The following ADGRB1 variants were observed in gnomAD, a reference collection of about 807,000 sequenced individuals.
ADGRB1 encodes the protein brain-specific angiogenesis inhibitor 1.
Under a neutral mutation model 175.7 loss-of-function variants are expected in ADGRB1, and 36 were observed. That is an observed-to-expected ratio of 0.20 (90% confidence interval 0.16 to 0.27). ADGRB1 has a LOEUF of 0.27. Among genes scored for constraint, ADGRB1 ranks in the 10% least tolerant of loss-of-function variants. The pLI is 1.00. For missense variants in ADGRB1, 1,731 were observed against 2,255.3 expected, an observed-to-expected ratio of 0.77 and a Z score of 4.71; for synonymous variants, 1,054 against 979.4, an observed-to-expected ratio of 1.08 and a Z score of -1.42.
intron 13 of ADGRB1, 113 bp from the exon 14 acceptor site, chr8:142,488,251 C>T (rs780095416): frequency 6.3e-6 from 9 of 1,434,534 alleles, no homozygotes; most frequent in Admixed American, 1.8e-5. Context: ...ATGGGCACCC[C>T]GCGGCATCAG....
At chr8:142,489,768 C>T (rs963412326) in intron 16 of ADGRB1, among the ~76,000 whole-genome samples, 2 of 152,190 alleles carry the variant, frequency 1.3e-5, no homozygotes, top group Non-Finnish European at 2.9e-5. Context: ...CCCCTAACGC[C>T]TGGCCACCAA....
At chr8:142,501,166 A>G (rs577251342) in intron 17 of ADGRB1, among the ~76,000 whole-genome samples, 1 of 152,284 alleles carries the variant, frequency 6.6e-6, no homozygotes, top group East Asian at 1.9e-4. Flanking sequence ...GCTGGTGACC[A>G]TGGGTGACCG....
rs1258314803 is a variant in ADGRB1, at chr8:142,510,876, T to C, written c.2676-56T>C. On this transcript the variant is annotated intron_variant, in intron 17 of 30. Transcript: ENST00000517894. The surrounding 1 kb of genome is among the most constrained non-coding windows in gnomAD (Gnocchi z 6.3). ...CCGCTCGGGGGCCGGGGCGCCCGCGTCCCCGCCGCCGCTGACGCTCCGCCT... is the reference window on the plus strand; with the variant it reads ...CCGCTCGGGGGCCGGGGCGCCCGCGCCCCCGCCGCCGCTGACGCTCCGCCT... The C allele has an allele frequency of 4.1e-6, 4 of 968,734 alleles. No homozygotes were observed. The highest frequency in any genetic ancestry group is 4.9e-6 in the Non-Finnish European group (4 of 809,006). The allele number at this position is 968,734 out of a possible 1,614,324, so 60.0% of individuals were successfully genotyped here.
At position 142,510,916 on chromosome 8, in the gene ADGRB1, T is replaced by TTCC; in HGVS notation, c.2676-16_2676-15insTCC. On this transcript the variant is annotated splice_polypyrimidine_tract_variant and intron_variant, in intron 17 of 30. Transcript: ENST00000517894. The surrounding 1 kb of genome is among the most constrained non-coding windows in gnomAD (Gnocchi z 6.3). ...ACGCTCCGCCTGTCTCCCTCCCGTG[T>TTCC]CCCGCCCGCCCCCAGACCCTCCTCC... is the stretch of plus-strand genomic sequence containing the variant. The TTCC allele has an allele frequency of 3.3e-5, 32 of 969,596 alleles. No homozygotes were observed. The highest frequency in any genetic ancestry group is 3.7e-5 in the Non-Finnish European group (29 of 789,174). The allele number at this position is 969,596 out of a possible 1,614,324, so 60.1% of individuals were successfully genotyped here.
In ADGRB1 at chr8:142,475,430, A is replaced by G. The variant is rs531007179; in HGVS notation, c.785-44A>G. 70 of 1,264,536 alleles carry G rather than the reference A, an allele frequency of 5.5e-5. No homozygotes were observed. The African/African-American group carries it at 1.0e-3, about 19-fold the overall frequency. The allele number at this position is 1,264,536 out of a possible 1,614,324, so 78.3% of individuals were successfully genotyped here. A position where few individuals can be genotyped will look rare whatever the true frequency, so the allele number is the denominator to read the frequency against. ...CCATGACTTACCCGTCCAGGCCACG[A>G]GCCCCTGCCCTGCCCTGATCCCCGC... On this transcript the variant is annotated intron_variant, in intron 2 of 30. Coordinates refer to ENST00000517894, the MANE Select transcript of ADGRB1 (RefSeq NM_001702.3).
At chr8:142,471,028 C>T (rs1316496929) in intron 2 of ADGRB1, among the ~76,000 whole-genome samples, 3 of 152,106 alleles carry the variant, frequency 2.0e-5, no homozygotes, top group Admixed American at 6.5e-5. Context: ...TTTGGGACTC[C>T]AGGTAGTCTC....
chr8:142,494,476 G>A (rs115357020), intron 17 of ADGRB1, among the ~76,000 whole-genome samples: 258 of 152,212 alleles, frequency 1.7e-3, no homozygotes, highest in African/African-American at 5.9e-3. Context: ...TCACATGCTT[G>A]TAGGGCCACC....
chr8:142,516,352 G>A (rs1334323979), intron 18 of ADGRB1, among the ~76,000 whole-genome samples: 1 of 143,950 alleles, frequency 6.9e-6, no homozygotes, highest in Non-Finnish European at 1.5e-5. Flanking sequence ...GGCCCCAGGT[G>A]CGTGCGTGTG....
In ADGRB1 at chr8:142,464,733, C is replaced by G; in HGVS notation, c.535C>G (p.Arg179Gly). ...FSVEYLVVGN[R>G]NPSRAACQML... ...CGTGGAGTACCTGGTGGTGGGGAAC[C>G]GCAACCCCAGCCGTGCCGCCTGCCA... The change falls in exon 2 of 31, where the codon CGC (arginine) becomes GGC (glycine). Residue 179 changes from arginine to glycine, a missense_variant. Coordinates refer to ENST00000517894, the MANE Select transcript of ADGRB1 (RefSeq NM_001702.3). 3.3e-6 allele frequency: 5 copies of G among 1,534,058 alleles called. No homozygotes were observed. The highest frequency in any genetic ancestry group is 4.4e-6 in the Non-Finnish European group (5 of 1,145,592).
Position 142,475,496 on chromosome 8 carries a change from G to A in ADGRB1, c.807G>A (p.Leu269=). ...GATGGWKLWS[L]WGECTRDCGG... ...CAGGCGGCTGGAAGCTGTGGTCCCT[G>A]TGGGGCGAATGCACGCGGGACTGCG... The change falls in exon 3 of 31, where the codon CTG becomes CTA. Residue 269 remains leucine (L), a synonymous_variant. Transcript: ENST00000517894. 7.7e-7 allele frequency: 1 copy of A among 1,295,762 alleles called. No individual in the cohort carries two copies. The highest frequency in any genetic ancestry group is 9.8e-7 in the Non-Finnish European group (1 of 1,020,530). 80.3% of individuals were successfully genotyped at this position (1,295,762 alleles called of 1,614,324 possible). A position where few individuals can be genotyped will look rare whatever the true frequency, so the allele number is the denominator to read the frequency against.
chr8:142,540,077 CCA>C (rs1299140288), intron 27 of ADGRB1: 4 of 152,514 alleles, frequency 2.6e-5, no homozygotes, highest in Admixed American at 2.6e-4. Context: ...GTTCTGTGAA[CCA>C]GGTCCTGAGG....
At chr8:142,487,893 C>T (rs1841760660) in intron 13 of ADGRB1, among the ~76,000 whole-genome samples, 2 of 152,238 alleles carry the variant, frequency 1.3e-5, no homozygotes, top group African/African-American at 4.8e-5. Context: ...CAGGGCAGCC[C>T]CCATCCCCCT....
In ADGRB1 at chr8:142,475,723, G is replaced by A. The variant is rs985010582; in HGVS notation, c.946+88G>A. On this transcript the variant is annotated intron_variant, in intron 3 of 30. Coordinates refer to ENST00000517894, the MANE Select transcript of ADGRB1 (RefSeq NM_001702.3). ...GAGGGGGGTGGGGCCCTGGAGAGGA[G>A]GGGCCCGTGGGGGCGGGGCGGGGCC... 328 of 1,101,190 alleles carry A rather than the reference G, an allele frequency of 3.0e-4. 1 individual carries two copies. Among genetic ancestry groups the A allele is most frequent in the Middle Eastern group, 1.0e-3 (3 of 2,900 alleles). 68.2% of individuals were successfully genotyped at this position (1,101,190 alleles called of 1,614,324 possible). A position where few individuals can be genotyped will look rare whatever the true frequency, so the allele number is the denominator to read the frequency against.
chr8:142,450,134 G>A, intron 1 of ADGRB1, 30 bp downstream of exon 1: 2 of 147,640 alleles, frequency 1.4e-5, no homozygotes, highest in Admixed American at 6.6e-5. Context: ...GGGGCTGGGG[G>A]CGCGGCGGGT....
intron 25 of ADGRB1, among the ~76,000 whole-genome samples, chr8:142,535,990 G>A (rs562381459): frequency 6.6e-5 from 10 of 152,244 alleles, no homozygotes; most frequent in African/African-American, 1.4e-4. Flanking sequence ...TTTGGGCCTC[G>A]GTCCCCATCT....
rs1470505680 is a variant in ADGRB1, at chr8:142,488,360, C to T, written c.2309-4C>T. On this transcript the variant is annotated splice_polypyrimidine_tract_variant and splice_region_variant and intron_variant, in intron 13 of 30. Coordinates refer to ENST00000517894, the MANE Select transcript of ADGRB1 (RefSeq NM_001702.3). ...GTCTCTCCCGCCTTTGACCCTGCTC[C>T]CAGTTCTCAGCATCCATAAGCTCCC... 3 of 1,612,854 alleles carry T rather than the reference C, an allele frequency of 1.9e-6. No homozygotes were observed. The highest frequency in any genetic ancestry group is 2.5e-6 in the Non-Finnish European group (3 of 1,179,802).
At chr8:142,481,748 G>T in intron 11 of ADGRB1, 37 bp downstream of exon 11, 10 of 1,481,490 alleles carry the variant, frequency 6.7e-6, no homozygotes, top group South Asian at 2.7e-5. Context: ...AGAGGGTGTC[G>T]GGAAGGTGTC....
chr8:142,528,614 TGCCACCTCCGAC>T (rs1554620877), intron 24 of ADGRB1, among the ~76,000 whole-genome samples: 1 of 151,154 alleles, frequency 6.6e-6, no homozygotes, highest in Non-Finnish European at 1.5e-5. Flanking sequence ...CTGCCGCCGA[TGCCACCTCCGAC>T]GCCACCAGTA....
intron 13 of ADGRB1, 122 bp downstream of exon 13, chr8:142,484,886 C>T: frequency 9.5e-6 from 7 of 734,870 alleles, no homozygotes; most frequent in Non-Finnish European, 1.6e-5. Context: ...TGTGGGCCCT[C>T]CCAGCCGATT....
Sources: allele counts gnomAD v4.1 joint callset (sites outside exome capture counted in the v4.1 genomes callset), GRCh38; gene constraint gnomAD v4.1.1; non-coding constraint Gnocchi (gnomAD v3.1); transcripts MANE v1.5; gene names NCBI Gene and HGNC (gene_info 2026-07-23, HGNC 2026-07-21).